The following FOXP2 variants were observed in gnomAD, a reference collection of about 807,000 sequenced individuals.
FOXP2 encodes the protein forkhead box P2, also known as forkhead box protein P2.
FOXP2 carries 12 observed loss-of-function variants against 115.8 expected under a neutral mutation model. That is an observed-to-expected ratio of 0.10 (90% CI 0.07 to 0.17). The LOEUF is 0.17. Ranked by LOEUF, FOXP2 falls within the 10% of genes least tolerant of loss-of-function variation. The probability of loss-of-function intolerance (pLI) is 1.00; values close to 1 mark genes in which losing one functional copy is unlikely to be tolerated. For missense variants in FOXP2, 629 were observed against 843.5 expected, an observed-to-expected ratio of 0.75 and a Z score of 3.15; for synonymous variants, 328 against 297.7, an observed-to-expected ratio of 1.10 and a Z score of -1.05.
At chr7:114,326,956 AG>A (rs933566616) in intron 2 of FOXP2, among the ~76,000 whole-genome samples, 4 of 152,136 alleles carry the variant, frequency 2.6e-5, no homozygotes, top group Non-Finnish European at 5.9e-5. Context: ...TTCTTTCTCA[AG>A]GGCTTTACAT....
intron 1 of FOXP2, among the ~76,000 whole-genome samples, chr7:114,101,922 T>C (rs1056295945): frequency 4.0e-4 from 60 of 151,626 alleles, no homozygotes; most frequent in African/African-American, 1.4e-3. Flanking sequence ...TGTGTGTGTG[T>C]GTGTGTGTGT....
intron 1 of FOXP2, among the ~76,000 whole-genome samples, chr7:114,426,012 A>T (rs1208729217): frequency 6.6e-6 from 1 of 151,722 alleles, no homozygotes; most frequent in Non-Finnish European, 1.5e-5. Context: ...ACCCTTACAA[A>T]ATTTTAATTT....
At chr7:114,546,800 C>T (rs945361799) in intron 3 of FOXP2, among the ~76,000 whole-genome samples, 1 of 152,224 alleles carries the variant, frequency 6.6e-6, no homozygotes, top group African/African-American at 2.4e-5. Flanking sequence ...GATTACTTCT[C>T]TAGCTCAATC....
In FOXP2 at chr7:114,569,842, A is replaced by G. The variant is rs1034559245; in HGVS notation, c.258+35136A>G. 3.3e-5 allele frequency among the ~76,000 whole-genome samples: 5 copies of G among 151,976 alleles called. 1 individual carries two copies. The South Asian group carries it at 6.2e-4, about 19-fold the overall frequency. ...CTCTGAACTTCATAGATGTATTTGA[A>G]AAGAATTATTTATAAGATGTAATAT... is the stretch of plus-strand genomic sequence containing the variant. On this transcript the variant is annotated intron_variant, in intron 3 of 16. Transcript: ENST00000350908.
intron 1 of FOXP2, among the ~76,000 whole-genome samples, chr7:114,280,597 A>G (rs180945415): frequency 1.3e-3 from 192 of 152,308 alleles, no homozygotes; most frequent in Admixed American, 2.4e-3. Context: ...AGTGAGATAC[A>G]GTAACTACAG....
At position 114,692,130 on chromosome 7, in the gene FOXP2, A is replaced by G; in HGVS notation, c.*2204A>G. ...ATGGTTTTCAGTCATCTAGGATCCT[A>G]CTGTAAGGATTATCTGAAAGGAAAA... is the stretch of plus-strand genomic sequence containing the variant. On this transcript the variant is annotated 3_prime_UTR_variant, in exon 17 of 17. Transcript: ENST00000350908. The G allele has an allele frequency of 2.2e-6, 1 of 453,880 alleles. No homozygotes were observed. The highest frequency in any genetic ancestry group is 1.6e-5 in the South Asian group (1 of 64,454). The allele number at this position is 453,880 out of a possible 1,614,324, so 28.1% of individuals were successfully genotyped here. A position where few individuals can be genotyped will look rare whatever the true frequency, so the allele number is the denominator to read the frequency against.
chr7:114,581,673 A>G (rs571540707), intron 3 of FOXP2, among the ~76,000 whole-genome samples: 3 of 152,262 alleles, frequency 2.0e-5, no homozygotes, highest in Admixed American at 1.3e-4. Flanking sequence ...TGTACATTCT[A>G]TGGGTTTGGA....
chr7:114,430,694 C>T (rs933468848), intron 2 of FOXP2, among the ~76,000 whole-genome samples: 2 of 151,798 alleles, frequency 1.3e-5, no homozygotes, highest in African/African-American at 4.8e-5. Context: ...AATTACAATT[C>T]CTGTGAAGCT....
chr7:114,577,887 A>G (rs1801656664), intron 3 of FOXP2, among the ~76,000 whole-genome samples: 2 of 152,008 alleles, frequency 1.3e-5, no homozygotes, highest in African/African-American at 4.8e-5. Context: ...GGAGGCATCA[A>G]GCAAACATCT....
intron 2 of FOXP2, among the ~76,000 whole-genome samples, chr7:114,363,052 G>T (rs1791790792): frequency 6.6e-6 from 1 of 151,926 alleles, no homozygotes; most frequent in Non-Finnish European, 1.5e-5. Context: ...AAGGTGGGAG[G>T]AATAGTTAAT....
At chr7:114,617,000 C>T (rs1464506474) in intron 3 of FOXP2, among the ~76,000 whole-genome samples, 1 of 152,180 alleles carries the variant, frequency 6.6e-6, no homozygotes, top group Non-Finnish European at 1.5e-5. Flanking sequence ...GCAGGAGGAT[C>T]TCCTGAGCCC....
chr7:114,089,759 A>G (rs1207910192), intron 1 of FOXP2, among the ~76,000 whole-genome samples: 2 of 152,038 alleles, frequency 1.3e-5, no homozygotes, highest in Non-Finnish European at 2.9e-5. Flanking sequence ...TGAACATTAT[A>G]TGTACAGGTA....
intron 2 of FOXP2, among the ~76,000 whole-genome samples, chr7:114,388,324 A>G (rs1792505052): frequency 6.6e-6 from 1 of 152,124 alleles, no homozygotes; most frequent in Admixed American, 6.5e-5. Context: ...TCTGGTAAAA[A>G]AAAAATGGTC....
At chr7:114,471,522 T>C (rs566974600) in intron 2 of FOXP2, among the ~76,000 whole-genome samples, 75 of 152,314 alleles carry the variant, frequency 4.9e-4, no homozygotes, top group Non-Finnish European at 1.0e-3. Flanking sequence ...TTCTCACTCA[T>C]ATATAGGTGA....
chr7:114,093,786 A>G (rs1445885810), intron 1 of FOXP2, among the ~76,000 whole-genome samples: 1 of 152,076 alleles, frequency 6.6e-6, no homozygotes, highest in East Asian at 1.9e-4. Flanking sequence ...TATATTTTAA[A>G]TTATTGATCT....
chr7:114,351,411 T>G (rs896324520), intron 2 of FOXP2, among the ~76,000 whole-genome samples: 6 of 152,150 alleles, frequency 3.9e-5, no homozygotes, highest in African/African-American at 1.4e-4. Flanking sequence ...GCATTCTGTA[T>G]CTCTATTATA....
intron 16 of FOXP2, among the ~76,000 whole-genome samples, chr7:114,688,063 C>T (rs1405544634): frequency 6.6e-6 from 1 of 150,608 alleles, no homozygotes; most frequent in African/African-American, 2.4e-5. Flanking sequence ...CTGCAAAAGC[C>T]ATTTGTGAAG....
chr7:114,145,514 G>GCTTTTCTTTTC (rs1792347941), intron 1 of FOXP2, among the ~76,000 whole-genome samples: 2 of 68,080 alleles, frequency 2.9e-5, no homozygotes, highest in African/African-American at 1.0e-4. Flanking sequence ...TTGAGATGGA[G>GCTTTTCTTTTC]TTTTGCTTTT....
chr7:114,673,008 T>C (rs1363414126), intron 16 of FOXP2, among the ~76,000 whole-genome samples: 1 of 152,180 alleles, frequency 6.6e-6, no homozygotes, highest in Non-Finnish European at 1.5e-5. Context: ...AGTTATTAAA[T>C]GTAATTACAG....
Sources: gnomAD v4.1 joint callset for allele counts (sites outside exome capture counted in the v4.1 genomes callset) on GRCh38, gnomAD v4.1.1 for gene constraint, MANE v1.5 for transcripts, NCBI Gene and HGNC (gene_info 2026-07-23, HGNC 2026-07-21) for gene names.